Variants in NBAS observed in about 807,000 individuals in gnomAD.
NBAS encodes NAG/BC035112 fusion.
NBAS carries 219 observed loss-of-function variants against 302.5 expected under a neutral mutation model. The observed-to-expected ratio is 0.72, with a 90% CI of 0.65 to 0.81. NBAS has a LOEUF of 0.81. NBAS is among the 30% of genes least tolerant of loss of function. The pLI, the probability that NBAS is intolerant of heterozygous loss-of-function variation, is 0.00. For synonymous variants in NBAS, 1,118 were observed against 1,021.6 expected, an observed-to-expected ratio of 1.09 and a Z score of -1.80; for missense variants, 2,932 against 2,841.6, an observed-to-expected ratio of 1.03 and a Z score of -0.72.
chr2:15,343,025 G>A (rs1672927037), intron 35 of NBAS, among the ~76,000 whole-genome samples: 1 of 151,768 alleles, frequency 6.6e-6, no homozygotes, highest in African/African-American at 2.4e-5. Context: ...ACATTTTGGG[G>A]CTCAGAATTC....
chr2:14,835,059 A>G, the NBAS span, among the ~76,000 whole-genome samples: 1 of 152,214 alleles, frequency 6.6e-6, no homozygotes, highest in African/African-American at 2.4e-5. Flanking sequence ...GTGGTGAGCA[A>G]GAAAGAAGGA....
chr2:14,867,826 TAAATA>T, the NBAS span, among the ~76,000 whole-genome samples: 2 of 152,234 alleles, frequency 1.3e-5, no homozygotes, highest in Admixed American at 1.3e-4. Context: ...CATATTTTTT[TAAATA>T]AAAGAGTAGA....
At chr2:15,237,673 G>A (rs1168979384) in intron 45 of NBAS, among the ~76,000 whole-genome samples, 2 of 150,804 alleles carry the variant, frequency 1.3e-5, no homozygotes, top group Non-Finnish European at 2.9e-5. Context: ...TCAGCTCACC[G>A]CAACCTCCGC....
intron 7 of NBAS, among the ~76,000 whole-genome samples, chr2:15,538,709 C>T (rs542898399): frequency 6.6e-6 from 1 of 152,182 alleles, no homozygotes; most frequent in African/African-American, 2.4e-5. Flanking sequence ...CATTTTGTTC[C>T]CACTCAATCT....
At chr2:15,101,191 C>A in the NBAS span, among the ~76,000 whole-genome samples, 4 of 152,144 alleles carry the variant, frequency 2.6e-5, no homozygotes, top group African/African-American at 9.7e-5. Context: ...GAACTTAGAA[C>A]TATGATATCT....
At chr2:15,186,422 T>G (rs1388521836) in intron 50 of NBAS, among the ~76,000 whole-genome samples, 1 of 152,148 alleles carries the variant, frequency 6.6e-6, no homozygotes, top group Non-Finnish European at 1.5e-5. Flanking sequence ...CTGGCCTAGT[T>G]CAGACAGATA....
intron 43 of NBAS, among the ~76,000 whole-genome samples, chr2:15,276,510 C>T (rs1414346424): frequency 1.3e-5 from 2 of 152,094 alleles, no homozygotes; most frequent in African/African-American, 2.4e-5. Flanking sequence ...GCTCAACTGC[C>T]TATTATAAAG....
intron 11 of NBAS, among the ~76,000 whole-genome samples, chr2:15,492,147 C>A (rs1291838005): frequency 6.6e-6 from 1 of 152,194 alleles, no homozygotes; most frequent in East Asian, 1.9e-4. Context: ...TAAATATCCA[C>A]ATACCCAACC....
intron 9 of NBAS, among the ~76,000 whole-genome samples, chr2:15,523,515 A>G (rs573378336): frequency 3.3e-5 from 5 of 152,336 alleles, no homozygotes; most frequent in African/African-American, 9.6e-5. Flanking sequence ...CAAATACTAT[A>G]CCACTTCACA....
the NBAS span, among the ~76,000 whole-genome samples, chr2:14,952,745 G>A: frequency 6.6e-5 from 10 of 152,234 alleles, no homozygotes; most frequent in Non-Finnish European, 1.0e-4. Context: ...CCAGCACCCA[G>A]CAGAGCGCCT....
intron 26 of NBAS, among the ~76,000 whole-genome samples, chr2:15,399,648 G>A (rs1341448942): frequency 1.3e-5 from 2 of 152,084 alleles, no homozygotes; most frequent in Non-Finnish European, 2.9e-5. Context: ...GAAAAAAGAG[G>A]AGTACAAATA....
At chr2:14,827,164 A>T in the NBAS span, among the ~76,000 whole-genome samples, 1 of 152,338 alleles carries the variant, frequency 6.6e-6, no homozygotes, top group Non-Finnish European at 1.5e-5. Context: ...AAAGTCAGGA[A>T]AAATTTGAAC....
At chr2:15,023,050 A>G in the NBAS span, among the ~76,000 whole-genome samples, 1 of 151,860 alleles carries the variant, frequency 6.6e-6, no homozygotes, top group Admixed American at 6.6e-5. Context: ...CCTCATCTGC[A>G]CCCATTATTA....
the NBAS span, among the ~76,000 whole-genome samples, chr2:14,989,616 C>T: frequency 1.3e-5 from 2 of 151,944 alleles, no homozygotes; most frequent in South Asian, 4.2e-4. Flanking sequence ...TCACACATTG[C>T]TGGTGGTAGA....
chr2:15,023,596 T>C, the NBAS span, among the ~76,000 whole-genome samples: 1 of 137,444 alleles, frequency 7.3e-6, no homozygotes, highest in African/African-American at 2.7e-5. Context: ...ATCAGTTTTA[T>C]GTTTCTCTTT....
intron 51 of NBAS, among the ~76,000 whole-genome samples, chr2:15,175,500 C>T (rs1664494671): frequency 6.6e-6 from 1 of 152,200 alleles, no homozygotes; most frequent in Non-Finnish European, 1.5e-5. Flanking sequence ...TCCATCCAAA[C>T]AGAAAATATT....
At chr2:14,925,896 T>C in the NBAS span, among the ~76,000 whole-genome samples, 2 of 152,230 alleles carry the variant, frequency 1.3e-5, no homozygotes, top group Non-Finnish European at 2.9e-5. Context: ...TCAACTCACC[T>C]TTTGGATCAT....
intron 38 of NBAS, among the ~76,000 whole-genome samples, chr2:15,316,654 C>A (rs1572643469): frequency 6.6e-6 from 1 of 152,194 alleles, no homozygotes; most frequent in Admixed American, 6.5e-5. Context: ...AACTGTGAGG[C>A]AGCAGCCTGG....
the NBAS span, among the ~76,000 whole-genome samples, chr2:14,893,759 G>A: frequency 2.6e-5 from 4 of 152,258 alleles, no homozygotes; most frequent in East Asian, 7.7e-4. Flanking sequence ...AGCAGTTTTT[G>A]CAGTGTTAAT....
Sources: allele counts gnomAD v4.1 joint callset (sites outside exome capture counted in the v4.1 genomes callset), GRCh38; gene constraint gnomAD v4.1.1; transcripts MANE v1.5; gene names NCBI Gene and HGNC (gene_info 2026-07-23, HGNC 2026-07-21).